The following PAICS variants were observed in gnomAD, a reference collection of about 807,000 sequenced individuals.
PAICS encodes the protein phosphoribosylaminoimidazole carboxylase and phosphoribosylaminoimidazolesuccinocarboxamide synthase.
A neutral mutation model predicts 53.7 loss-of-function variants in PAICS; 33 were observed. The ratio of observed to expected loss-of-function variants is 0.61; its 90% CI spans 0.47 to 0.82. The LOEUF (loss-of-function observed/expected upper bound fraction) is 0.82. Among genes scored for constraint, PAICS ranks in the 40% least tolerant of loss-of-function variants. PAICS has a pLI of 0.00. For missense variants in PAICS, 394 were observed against 494.1 expected (o/e 0.80, Z 1.92); for synonymous variants, 141 against 167.2 (o/e 0.84, Z 1.21).
upstream of PAICS, among the ~76,000 whole-genome samples, chr4:56,433,758 G>C (rs1717737172): frequency 6.6e-6 from 1 of 151,276 alleles, no homozygotes; most frequent in Admixed American, 6.6e-5. Flanking sequence ...GCAGTGGCGT[G>C]ATCTCTGCTC....
chr4:56,420,075 A>G, the PAICS span: 569 of 816,254 alleles, frequency 7.0e-4, 4 homozygotes, highest in African/African-American at 9.5e-3. Flanking sequence ...AAATAATCTT[A>G]ACATCATGTT....
At chr4:56,420,990 C>T in the PAICS span, 8 of 152,328 alleles carry the variant, frequency 5.3e-5, no homozygotes, top group Non-Finnish European at 1.0e-4. Context: ...CCTTACTGGT[C>T]CGTGGCCTGT....
chr4:56,413,926 C>T, the PAICS span, among the ~76,000 whole-genome samples: 4 of 152,064 alleles, frequency 2.6e-5, no homozygotes, highest in African/African-American at 9.7e-5. Flanking sequence ...AAATAATTAA[C>T]GACTTAGGCT....
chr4:56,441,893 C>G (rs1436775767), intron 2 of PAICS, 33 bp downstream of exon 2: 1 of 1,416,534 alleles, frequency 7.1e-7, no homozygotes, highest in South Asian at 1.3e-5. Flanking sequence ...CTTCTCTCAC[C>G]TTCTCTGGTA....
the PAICS span, among the ~76,000 whole-genome samples, chr4:56,425,158 G>A: frequency 6.6e-6 from 1 of 152,118 alleles, no homozygotes; most frequent in African/African-American, 2.4e-5. Context: ...ATCTCAAAGG[G>A]TACGCTAAGA....
chr4:56,435,519 A>C (rs58548914), upstream of PAICS: 4,804 of 1,612,202 alleles, frequency 3.0e-3, 137 homozygotes, highest in African/African-American at 0.055. Context: ...CGCTGCGGCC[A>C]AGGTGTAAGC....
upstream of PAICS, among the ~76,000 whole-genome samples, chr4:56,432,121 TTC>T (rs1029914265): frequency 1.4e-4 from 22 of 152,210 alleles, no homozygotes; most frequent in Admixed American, 4.6e-4. Flanking sequence ...CTTCCAGGTA[TTC>T]TGTTAACCCC....
chr4:56,457,981 G>A (rs1684245553), intron 8 of PAICS, among the ~76,000 whole-genome samples: 1 of 152,112 alleles, frequency 6.6e-6, no homozygotes, highest in Admixed American at 6.5e-5. Flanking sequence ...TCTTTAACAA[G>A]ATGTGATTAT....
In PAICS at chr4:56,437,562, C is replaced by T. The variant is rs180697833; in HGVS notation, c.16+1234C>T. On this transcript the variant is annotated intron_variant, in intron 1 of 8. Transcript: ENST00000512576. ...TCAGGCCGGGCGCTGTGGCTCACGC[C>T]TGTAATCCCCAGCACTTTGGGAGTC... Among the ~76,000 whole-genome samples the T allele has an allele frequency of 6.5e-3, 990 of 152,048 alleles. 14 individuals are homozygous for T. The highest frequency in any genetic ancestry group is 0.023 in the African/African-American group (936 of 41,466).
chr4:56,440,028 C>T (rs540248785), intron 1 of PAICS, among the ~76,000 whole-genome samples: 41 of 152,250 alleles, frequency 2.7e-4, no homozygotes, highest in African/African-American at 9.4e-4. Context: ...ATACAGAAGC[C>T]GTAATGATCT....
At chr4:56,441,966 C>A in intron 2 of PAICS, 106 bp downstream of exon 2, 1 of 723,710 alleles carries the variant, frequency 1.4e-6, no homozygotes. Context: ...GCAGATGTCT[C>A]AAAAGCTAAG....
At chr4:56,436,251 C>G, upstream of PAICS, 1 of 1,565,166 alleles carries the variant, frequency 6.4e-7, no homozygotes, top group Non-Finnish European at 8.7e-7. Flanking sequence ...CTGACCACCC[C>G]TCTTTTCTAG....
intron 2 of PAICS, 65 bp from the exon 3 acceptor site, chr4:56,446,630 G>T: frequency 1.1e-6 from 1 of 933,192 alleles, no homozygotes; most frequent in South Asian, 1.7e-5. Context: ...GTTTTATTGT[G>T]CCTCAGATCT....
At chr4:56,435,255 C>G (rs1438530401), upstream of PAICS, 4 of 1,564,514 alleles carry the variant, frequency 2.6e-6, no homozygotes, top group African/African-American at 4.0e-5. Context: ...GGTCGGTCCT[C>G]CCGGGCCCTC....
At chr4:56,410,630 A>G in the PAICS span, 1 of 984,764 alleles carries the variant, frequency 1.0e-6, no homozygotes. Flanking sequence ...AAATAAAGGA[A>G]TATTTATTTA....
rs1719435648 is a variant in PAICS, at chr4:56,460,229, T to C, written c.*691T>C. 6.6e-6 allele frequency: 1 copy of C among 152,154 alleles called. No individual in the cohort carries two copies. The highest frequency in any genetic ancestry group is 2.1e-4 in the South Asian group (1 of 4,804). The allele number at this position is 152,154 out of a possible 1,614,324, so 9.4% of individuals were successfully genotyped here. ...TGTCCATTTCTCCCTGTCTGTCCCA[T>C]GGGCACTCATGAAAAAACAGAATGC... is the stretch of plus-strand genomic sequence containing the variant. On this transcript the variant is annotated 3_prime_UTR_variant, in exon 9 of 9. Transcript: ENST00000512576.
upstream of PAICS, chr4:56,431,470 T>G: frequency 1.0e-6 from 1 of 976,282 alleles, no homozygotes; most frequent in South Asian, 4.7e-5. Context: ...TCATTACAAA[T>G]CAGTTTCCTC....
At chr4:56,454,717 C>T (rs2110096833) in intron 8 of PAICS, among the ~76,000 whole-genome samples, 1 of 151,784 alleles carries the variant, frequency 6.6e-6, no homozygotes, top group Non-Finnish European at 1.5e-5. Context: ...TCTTCCATTC[C>T]CTATATTTTC....
At chr4:56,449,352 A>G (rs1718781677) in intron 5 of PAICS, among the ~76,000 whole-genome samples, 3 of 152,244 alleles carry the variant, frequency 2.0e-5, no homozygotes, top group African/African-American at 7.2e-5. Context: ...GCTGTTTTAA[A>G]AAAGTCAGGA....
Sources: allele counts gnomAD v4.1 joint callset (sites outside exome capture counted in the v4.1 genomes callset), GRCh38; gene constraint gnomAD v4.1.1; transcripts MANE v1.5; gene names NCBI Gene and HGNC (gene_info 2026-07-23, HGNC 2026-07-21).